The following CCDC66 variants were observed in gnomAD, a reference collection of about 807,000 sequenced individuals.
CCDC66 encodes the protein coiled-coil domain containing 66.
A neutral mutation model predicts 128.3 loss-of-function variants in CCDC66; 133 were observed. The observed-to-expected ratio is 1.04, with a 90% CI of 0.90 to 1.20. The LOEUF (loss-of-function observed/expected upper bound fraction) is 1.20, where lower values mean the gene tolerates loss of function less well. CCDC66 is among the 50% of genes most tolerant of loss of function. The pLI is 0.00. For synonymous variants in CCDC66, 387 were observed against 357.0 expected (o/e 1.08, Z -0.95); for missense variants, 1,126 against 1,075.5 (o/e 1.05, Z -0.66).
chr3:56,571,161 A>G lies in CCDC66; in HGVS notation c.815-20A>G. On this transcript the variant is annotated intron_variant, in intron 6 of 17. Coordinates refer to ENST00000394672, the MANE Select transcript of CCDC66 (RefSeq NM_001141947.3). ...TTTTACAGTTTTTGTACATTTTTTT[A>G]AAAAGGACATTATTTACAGATGAAC... 1 of 1,478,266 alleles carries G rather than the reference A, an allele frequency of 6.8e-7. No homozygotes were observed. The highest frequency in any genetic ancestry group is 9.2e-7 in the Non-Finnish European group (1 of 1,090,882). 91.6% of individuals were successfully genotyped at this position (1,478,266 alleles called of 1,614,324 possible).
At chr3:56,596,019 A>G (rs191060476) in intron 10 of CCDC66, among the ~76,000 whole-genome samples, 7 of 152,262 alleles carry the variant, frequency 4.6e-5, no homozygotes, top group Admixed American at 2.6e-4. Flanking sequence ...GGCTCAAGCA[A>G]TCCTGCTGCC....
intron 10 of CCDC66, among the ~76,000 whole-genome samples, chr3:56,599,328 T>G (rs1184348226): frequency 6.6e-6 from 1 of 152,030 alleles, no homozygotes; most frequent in Non-Finnish European, 1.5e-5. Context: ...GTCTATCAAG[T>G]AGCTTATTGG....
chr3:56,598,779 G>T (rs1286101840), intron 10 of CCDC66, among the ~76,000 whole-genome samples: 1 of 151,954 alleles, frequency 6.6e-6, no homozygotes, highest in Non-Finnish European at 1.5e-5. Flanking sequence ...TAATTATTGG[G>T]TATTAGTTTT....
Position 56,621,660 on chromosome 3 carries a change from A to AAATT in CCDC66, c.*44_*47dup, listed in dbSNP as rs1553718879. 1 of 1,360,102 alleles carries AAATT rather than the reference A, an allele frequency of 7.4e-7. No homozygotes were observed. The allele number at this position is 1,360,102 out of a possible 1,614,324, so 84.3% of individuals were successfully genotyped here. A position where few individuals can be genotyped will look rare whatever the true frequency, so the allele number is the denominator to read the frequency against. ...CCTTCACATTTGATTTGTGTCTTCC[A>AAATT]AATTATAAAATGTGCTCACTGGCTC... On this transcript the variant is annotated 3_prime_UTR_variant, in exon 18 of 18. Transcript: ENST00000394672.
chr3:56,563,836 T>C lies in CCDC66; in HGVS notation c.255T>C (p.Asn85=). The change falls in exon 4 of 18, where the codon AAT becomes AAC. Residue 85 remains asparagine, a synonymous_variant. Coordinates refer to ENST00000394672, the MANE Select transcript of CCDC66 (RefSeq NM_001141947.3). The part of the protein sequence containing the change: ...SETSQAKGEK[N]GMTFSSTKDL... ...CATCACAGGCAAAAGGTGAAAAAAATGGAATGACTTTTTCATCCACTAAGG... is the reference window on the plus strand; with the variant it reads ...CATCACAGGCAAAAGGTGAAAAAAACGGAATGACTTTTTCATCCACTAAGG... 1 of 1,567,924 alleles carries C rather than the reference T, an allele frequency of 6.4e-7. No homozygotes were observed. Among genetic ancestry groups the C allele is most frequent in the Non-Finnish European group, 8.7e-7 (1 of 1,155,242 alleles).
chr3:56,581,365 C>T (rs951792779), intron 7 of CCDC66, among the ~76,000 whole-genome samples: 4 of 151,794 alleles, frequency 2.6e-5, no homozygotes, highest in Admixed American at 6.6e-5. Context: ...CCTCCTTTAG[C>T]TTGGAGAAGT....
At chr3:56,589,671 A>C (rs1178170596) in intron 7 of CCDC66, among the ~76,000 whole-genome samples, 1 of 152,222 alleles carries the variant, frequency 6.6e-6, no homozygotes, top group Non-Finnish European at 1.5e-5. Flanking sequence ...TTAAAAAGTA[A>C]TTGATGAATG....
intron 10 of CCDC66, among the ~76,000 whole-genome samples, chr3:56,602,265 A>G (rs2107148763): frequency 6.6e-6 from 1 of 152,144 alleles, no homozygotes; most frequent in Admixed American, 6.5e-5. Flanking sequence ...ATGTGAATAG[A>G]TTACGTTTAC....
intron 7 of CCDC66, among the ~76,000 whole-genome samples, chr3:56,589,492 A>G (rs900019945): frequency 2.0e-5 from 3 of 152,152 alleles, no homozygotes; most frequent in African/African-American, 4.8e-5. Flanking sequence ...AGAATAATAA[A>G]TCATGATGAG....
At chr3:56,609,276 G>A (rs1287637298) in intron 10 of CCDC66, among the ~76,000 whole-genome samples, 3 of 152,214 alleles carry the variant, frequency 2.0e-5, no homozygotes, top group African/African-American at 7.2e-5. Flanking sequence ...GGGAGCTACA[G>A]TGTTAGGTGC....
At position 56,571,200 on chromosome 3, in the gene CCDC66, GAAGA is replaced by G. The variant is rs773846067; in HGVS notation, c.841_844del (p.Glu281LysfsTer19). 3.9e-6 allele frequency: 6 copies of G among 1,525,588 alleles called. No individual in the cohort carries two copies. Among genetic ancestry groups the G allele is most frequent in the Admixed American group, 2.0e-5 (1 of 49,294 alleles). The allele number at this position is 1,525,588 out of a possible 1,614,324, so 94.5% of individuals were successfully genotyped here. A position where few individuals can be genotyped will look rare whatever the true frequency, so the allele number is the denominator to read the frequency against. On this transcript the variant is annotated frameshift_variant, in exon 7 of 18. Coordinates refer to ENST00000394672, the MANE Select transcript of CCDC66 (RefSeq NM_001141947.3). LOFTEE classifies it high-confidence loss of function. ...TTACAGATGAACAGGTTGCTTTAAA[GAAGA>G]AAGAAAAAGAAGTTTCTGAAAAATG...
chr3:56,617,035 T>C (rs1016106881), intron 13 of CCDC66, 77 bp from the exon 14 acceptor site: 1 of 1,183,150 alleles, frequency 8.5e-7, no homozygotes, highest in Non-Finnish European at 1.2e-6. Flanking sequence ...AATAATTGTT[T>C]AATGTTTTGG....
At chr3:56,571,120 G>A in intron 6 of CCDC66, 61 bp from the exon 7 acceptor site, 3 of 1,285,704 alleles carry the variant, frequency 2.3e-6, no homozygotes, top group Non-Finnish European at 3.2e-6. Context: ...GGTCAGATTT[G>A]TTTACATGGT....
At chr3:56,574,443 A>C (rs1270661565) in intron 7 of CCDC66, among the ~76,000 whole-genome samples, 1 of 151,698 alleles carries the variant, frequency 6.6e-6, no homozygotes, top group African/African-American at 2.4e-5. Context: ...AGGGAAAAGG[A>C]ATTTGCTGTG....
intron 3 of CCDC66, among the ~76,000 whole-genome samples, chr3:56,562,890 A>G (rs1195458922): frequency 1.3e-5 from 2 of 149,724 alleles, no homozygotes; most frequent in African/African-American, 4.9e-5. Context: ...CAGGCAATCC[A>G]CCCACCTCGG....
At chr3:56,589,234 T>C (rs1477719477) in intron 7 of CCDC66, among the ~76,000 whole-genome samples, 1 of 152,140 alleles carries the variant, frequency 6.6e-6, no homozygotes, top group African/African-American at 2.4e-5. Flanking sequence ...CATAGATTAC[T>C]AAAATTGACA....
intron 7 of CCDC66, among the ~76,000 whole-genome samples, chr3:56,575,057 CAGAATT>C (rs546895406): frequency 1.3e-5 from 2 of 151,896 alleles, no homozygotes; most frequent in African/African-American, 2.4e-5. Flanking sequence ...GGTGTGTACT[CAGAATT>C]GGAATTGCAG....
chr3:56,568,888 TG>T (rs2066248120), intron 6 of CCDC66, among the ~76,000 whole-genome samples: 2 of 152,256 alleles, frequency 1.3e-5, no homozygotes, highest in Admixed American at 1.3e-4. Context: ...CGACTAAACT[TG>T]GAGTCTGCGT....
chr3:56,565,104 C>A, intron 4 of CCDC66: 1 of 395,316 alleles, frequency 2.5e-6, no homozygotes, highest in Non-Finnish European at 5.2e-6. Context: ...TCCTGTGAGC[C>A]CTCTAAAACA....
Sources: allele counts gnomAD v4.1 joint callset (sites outside exome capture counted in the v4.1 genomes callset), GRCh38; gene constraint gnomAD v4.1.1; transcripts MANE v1.5; gene names NCBI Gene and HGNC (gene_info 2026-07-23, HGNC 2026-07-21).